The following SYNPR variants were observed in gnomAD, a reference collection of about 807,000 sequenced individuals.
The protein encoded by SYNPR is synaptoporin.
A neutral mutation model predicts 32.9 loss-of-function variants in SYNPR; 23 were observed. That is an observed-to-expected ratio of 0.70 (90% CI 0.50 to 0.99). SYNPR has a LOEUF of 0.99. SYNPR is among the 50% of genes least tolerant of loss of function. The probability of loss-of-function intolerance (pLI) is 0.00; values close to 1 mark genes in which losing one functional copy is unlikely to be tolerated. For missense variants in SYNPR, 318 were observed against 349.3 expected (o/e 0.91, Z 0.71); for synonymous variants, 146 against 135.9 (o/e 1.07, Z -0.52).
intron 1 of SYNPR, among the ~76,000 whole-genome samples, chr3:63,245,007 G>A (rs1353865401): frequency 6.6e-6 from 1 of 152,044 alleles, no homozygotes; most frequent in Non-Finnish European, 1.5e-5. Flanking sequence ...AAGACATTAG[G>A]ATACATTTTA....
the SYNPR span, among the ~76,000 whole-genome samples, chr3:63,208,952 C>T: frequency 6.6e-6 from 1 of 152,088 alleles, no homozygotes. Context: ...TTTAAGGTGA[C>T]ACTTTTATAG....
intron 2 of SYNPR, among the ~76,000 whole-genome samples, chr3:63,425,064 C>G (rs550824198): frequency 6.6e-6 from 1 of 152,304 alleles, no homozygotes; most frequent in South Asian, 2.1e-4. Flanking sequence ...GCCCTTACCT[C>G]TCTCCATTTT....
chr3:63,550,933 G>A (rs192481754), intron 3 of SYNPR, among the ~76,000 whole-genome samples: 1 of 152,254 alleles, frequency 6.6e-6, no homozygotes, highest in Admixed American at 6.5e-5. Context: ...CCATCTTCCA[G>A]TTTTCCAGGC....
chr3:63,417,771 C>T (rs1196934669), intron 2 of SYNPR, among the ~76,000 whole-genome samples: 1 of 152,214 alleles, frequency 6.6e-6, no homozygotes, highest in Non-Finnish European at 1.5e-5. Context: ...CTACCTTGGC[C>T]CCTTTTAGTC....
chr3:63,269,936 C>T (rs72878298), intron 3 of SYNPR, among the ~76,000 whole-genome samples: 3,433 of 152,176 alleles, frequency 0.023, 130 homozygotes, highest in African/African-American at 0.078. Flanking sequence ...TTGGAGGTAC[C>T]TAATTTAATC....
At chr3:63,203,066 GTGTATATA>G in the SYNPR span, among the ~76,000 whole-genome samples, 1 of 12,460 alleles carries the variant, frequency 8.0e-5, no homozygotes, top group East Asian at 1.3e-3. Flanking sequence ...ATATATGTAT[GTGTATATA>G]TATATATATA....
chr3:63,211,437 C>A, the SYNPR span, among the ~76,000 whole-genome samples: 9 of 152,310 alleles, frequency 5.9e-5, no homozygotes, highest in Admixed American at 3.9e-4. Context: ...CAAGGAGATT[C>A]AAGTTTACAG....
chr3:63,419,661 T>C (rs1166608274), intron 2 of SYNPR, among the ~76,000 whole-genome samples: 3 of 152,214 alleles, frequency 2.0e-5, no homozygotes, highest in Admixed American at 6.5e-5. Flanking sequence ...CATTTCCCAA[T>C]TGCAATATGA....
intron 3 of SYNPR, among the ~76,000 whole-genome samples, chr3:63,510,908 G>A (rs1354874895): frequency 1.2e-5 from 1 of 86,878 alleles, no homozygotes; most frequent in East Asian, 3.0e-4. Flanking sequence ...AAAGGCAAAA[G>A]GTACAACTGT....
At chr3:63,379,842 C>A (rs1227439273) in intron 2 of SYNPR, among the ~76,000 whole-genome samples, 1 of 152,046 alleles carries the variant, frequency 6.6e-6, no homozygotes, top group African/African-American at 2.4e-5. Context: ...CCCTCCTCCC[C>A]CAACCCCACA....
intron 2 of SYNPR, among the ~76,000 whole-genome samples, chr3:63,287,422 G>A (rs552573968): frequency 1.3e-5 from 2 of 151,950 alleles, no homozygotes; most frequent in African/African-American, 4.8e-5. Context: ...ACTAGATAAG[G>A]TCAGCCTTCT....
At chr3:63,423,317 G>A (rs1699832725) in intron 2 of SYNPR, among the ~76,000 whole-genome samples, 5 of 152,244 alleles carry the variant, frequency 3.3e-5, no homozygotes, top group Middle Eastern at 3.4e-3. Flanking sequence ...TACAGCAAAT[G>A]GACTCCCTGC....
intron 2 of SYNPR, among the ~76,000 whole-genome samples, chr3:63,409,995 G>A (rs1231179606): frequency 6.6e-6 from 1 of 151,894 alleles, no homozygotes; most frequent in African/African-American, 2.4e-5. Flanking sequence ...GGGAAGAGGT[G>A]ACATGGAGCA....
At chr3:63,552,150 G>A (rs1005033862) in intron 3 of SYNPR, among the ~76,000 whole-genome samples, 3 of 151,826 alleles carry the variant, frequency 2.0e-5, no homozygotes, top group Non-Finnish European at 1.5e-5. Context: ...TGCCTGCCTC[G>A]GCCTCCCAAA....
chr3:63,595,069 A>G (rs1575728584), intron 4 of SYNPR, among the ~76,000 whole-genome samples: 1 of 152,258 alleles, frequency 6.6e-6, no homozygotes, highest in South Asian at 2.1e-4. Flanking sequence ...AACCAGAGGC[A>G]ATTCAGAGGC....
intron 2 of SYNPR, among the ~76,000 whole-genome samples, chr3:63,285,413 T>C (rs2106923644): frequency 6.6e-6 from 1 of 152,358 alleles, no homozygotes; most frequent in South Asian, 2.1e-4. Flanking sequence ...CTCATTTTCT[T>C]CCTGTGTATA....
chr3:63,240,505 G>T (rs1560165653), intron 1 of SYNPR, among the ~76,000 whole-genome samples: 1 of 152,104 alleles, frequency 6.6e-6, no homozygotes, highest in Non-Finnish European at 1.5e-5. Flanking sequence ...AAATGAAAGA[G>T]GAGACCGGTC....
At chr3:63,563,125 C>T (rs1259628442) in intron 4 of SYNPR, among the ~76,000 whole-genome samples, 1 of 152,150 alleles carries the variant, frequency 6.6e-6, no homozygotes, top group East Asian at 1.9e-4. Context: ...TTGACTGCTG[C>T]TTTCACAGTT....
rs181853886 is a variant in SYNPR, at chr3:63,468,153, C to G, written c.85-12679C>G. Among the ~76,000 whole-genome samples, 721 of 145,432 alleles carry G rather than the reference C, an allele frequency of 5.0e-3. 8 individuals carry two copies. Among genetic ancestry groups the G allele is most frequent in the African/African-American group, 0.018 (686 of 38,546 alleles). Reference sequence around the variant, plus strand: ...AGGTTGCAGTGAGCAGAGATGGTGCCGTTGCACTCCAGCCTGGGCAACAAG... The same window carrying G: ...AGGTTGCAGTGAGCAGAGATGGTGCGGTTGCACTCCAGCCTGGGCAACAAG... On this transcript the variant is annotated intron_variant, in intron 2 of 5. Coordinates refer to ENST00000478300, the MANE Select transcript of SYNPR (RefSeq NM_001130003.2).
Sources: allele counts gnomAD v4.1 joint callset (sites outside exome capture counted in the v4.1 genomes callset), GRCh38; gene constraint gnomAD v4.1.1; transcripts MANE v1.5; gene names NCBI Gene and HGNC (gene_info 2026-07-23, HGNC 2026-07-21).